The following CNOT2 variants were observed in gnomAD, a reference collection of about 807,000 sequenced individuals.
CNOT2 encodes the protein CC chemokine receptor 4-negative regulator of transcription 2.
Under a neutral mutation model 72.1 loss-of-function variants are expected in CNOT2, and 7 were observed. The ratio of observed to expected loss-of-function variants is 0.10; its 90% CI spans 0.06 to 0.18. The LOEUF (loss-of-function observed/expected upper bound fraction) is 0.18, where lower values mean the gene tolerates loss of function less well. CNOT2 is among the 10% of genes least tolerant of loss of function. The probability of loss-of-function intolerance (pLI) is 1.00; values close to 1 mark genes in which losing one functional copy is unlikely to be tolerated. For missense variants in CNOT2, 345 were observed against 660.3 expected, an observed-to-expected ratio of 0.52 and a Z score of 5.23; for synonymous variants, 196 against 225.6, an observed-to-expected ratio of 0.87 and a Z score of 1.17.
At position 70,338,426 on chromosome 12, in the gene CNOT2, A is replaced by G; in HGVS notation, c.901-17A>G. 6.3e-7 allele frequency: 1 copy of G among 1,588,268 alleles called. No homozygotes were observed. Among genetic ancestry groups the G allele is most frequent in the Non-Finnish European group, 8.5e-7 (1 of 1,170,978 alleles). ...CTTAACAAATTTTAATGTCACATTT[A>G]ATTTTTTTCATGCTAGAATTTGAAT... On this transcript the variant is annotated splice_polypyrimidine_tract_variant and intron_variant, in intron 9 of 15. Transcript: ENST00000229195.
At chr12:70,316,241 T>C (rs1475436483) in intron 3 of CNOT2, among the ~76,000 whole-genome samples, 1 of 152,178 alleles carries the variant, frequency 6.6e-6, no homozygotes, top group Non-Finnish European at 1.5e-5. Flanking sequence ...TGATCTAAAG[T>C]TTTATATTTT....
intron 1 of CNOT2, among the ~76,000 whole-genome samples, chr12:70,253,102 G>A (rs1194271097): frequency 1.3e-5 from 2 of 152,114 alleles, no homozygotes; most frequent in Non-Finnish European, 2.9e-5. Flanking sequence ...TAAATAAATC[G>A]TCATATTGCT....
chr12:70,330,535 T>C (rs1350491851), intron 6 of CNOT2, 66 bp downstream of exon 6: 15 of 1,149,562 alleles, frequency 1.3e-5, no homozygotes, highest in Admixed American at 2.2e-5. Flanking sequence ...CCTTTTCATA[T>C]TTTCACTTTG....
chr12:70,304,777 G>T (rs7974711), intron 2 of CNOT2, among the ~76,000 whole-genome samples: 1 of 152,220 alleles, frequency 6.6e-6, no homozygotes, highest in Non-Finnish European at 1.5e-5. Flanking sequence ...CAGAGGTGGA[G>T]CCTACAGAGG....
rs1306325670 is a variant in CNOT2 at position 70,338,717 on chromosome 12, T to G, written c.1073T>G (p.Ile358Ser). The G allele has an allele frequency of 1.1e-5, 17 of 1,613,452 alleles. No homozygotes were observed. Among genetic ancestry groups the G allele is most frequent in the Non-Finnish European group, 1.4e-5 (17 of 1,179,510 alleles). ...ATGGTGACGGACCAATTTGGAATGA[T>G]TGGCCTGTTAACATTTATCAGGGCA... ...QGMVTDQFGM[I>S]GLLTFIRAAE... Residue 358 changes from isoleucine to serine, a missense_variant, in exon 11 of 16, where the codon ATT becomes AGT. Coordinates refer to ENST00000229195, the MANE Select transcript of CNOT2 (RefSeq NM_014515.7).
At chr12:70,305,179 C>T (rs564649659) in intron 2 of CNOT2, among the ~76,000 whole-genome samples, 2 of 152,310 alleles carry the variant, frequency 1.3e-5, no homozygotes, top group Admixed American at 6.5e-5. Context: ...CCCACTGTCC[C>T]GCACCCACTG....
chr12:70,335,599 T>G (rs779123769), intron 8 of CNOT2, 36 bp downstream of exon 8: 1 of 1,544,548 alleles, frequency 6.5e-7, no homozygotes, highest in Non-Finnish European at 8.9e-7. Context: ...AGTAGAAAGT[T>G]TCCATTGTAT....
chr12:70,265,271 GTTTCTTCTCTTCTCTTCTCT>G (rs1361854382), intron 1 of CNOT2, among the ~76,000 whole-genome samples: 6 of 74,460 alleles, frequency 8.1e-5, no homozygotes, highest in African/African-American at 2.7e-4. Flanking sequence ...GTTTCGTTTT[GTTTCTTCTCTTCTCTTCTCT>G]TCTCTTCTCT....
intron 2 of CNOT2, among the ~76,000 whole-genome samples, chr12:70,282,906 TA>T (rs1167856189): frequency 6.6e-6 from 1 of 152,198 alleles, no homozygotes; most frequent in Admixed American, 6.5e-5. Flanking sequence ...AACAATTTCC[TA>T]GATATAGCTA....
intron 1 of CNOT2, among the ~76,000 whole-genome samples, chr12:70,263,815 A>C (rs899352501): frequency 1.3e-5 from 2 of 151,976 alleles, no homozygotes; most frequent in Non-Finnish European, 2.9e-5. Context: ...CTGGATACTG[A>C]TCTTTCTTCT....
At chr12:70,322,341 TA>T (rs2135995398) in intron 4 of CNOT2, 1 of 151,910 alleles carries the variant, frequency 6.6e-6, no homozygotes, top group Non-Finnish European at 1.5e-5. Context: ...TGAGCTCCCT[TA>T]AGCTGTCTCC....
At chr12:70,316,434 G>A (rs1035431828) in intron 3 of CNOT2, among the ~76,000 whole-genome samples, 5 of 152,024 alleles carry the variant, frequency 3.3e-5, no homozygotes, top group Admixed American at 6.6e-5. Flanking sequence ...TTTTAGCACC[G>A]ATTTGTTTGA....
At chr12:70,299,966 A>G (rs929659704) in intron 2 of CNOT2, among the ~76,000 whole-genome samples, 4 of 152,160 alleles carry the variant, frequency 2.6e-5, no homozygotes, top group African/African-American at 9.7e-5. Context: ...GCATTTCTCT[A>G]ATGGCCAGTG....
At chr12:70,329,343 T>A (rs1879581742) in intron 4 of CNOT2, 80 bp from the exon 5 acceptor site, 1 of 1,170,784 alleles carries the variant, frequency 8.5e-7, no homozygotes, top group Non-Finnish European at 1.3e-6. Context: ...AAAAGTGTCT[T>A]AAATCGCCAA....
At chr12:70,253,518 T>A (rs4761190) in intron 1 of CNOT2, among the ~76,000 whole-genome samples, 32,858 of 152,012 alleles carry the variant, frequency 0.22, 4,022 homozygotes, top group African/African-American at 0.33. Flanking sequence ...TCATCTTTAA[T>A]GAAGAGATAA....
chr12:70,243,334 C>T (rs947195284), upstream of CNOT2: 2 of 152,802 alleles, frequency 1.3e-5, no homozygotes, highest in Non-Finnish European at 2.9e-5. Flanking sequence ...GTTTTGCAGT[C>T]GTCGCTCCCA....
At chr12:70,307,235 G>A (rs935805175) in intron 2 of CNOT2, among the ~76,000 whole-genome samples, 7 of 152,108 alleles carry the variant, frequency 4.6e-5, no homozygotes, top group Admixed American at 1.3e-4. Context: ...TTAGCTTACC[G>A]TAACTTTTTT....
chr12:70,289,284 GTCT>G (rs957845097), intron 2 of CNOT2, among the ~76,000 whole-genome samples: 1 of 151,916 alleles, frequency 6.6e-6, no homozygotes, highest in African/African-American at 2.4e-5. Context: ...ATGATTCGCT[GTCT>G]TCTTATTTCC....
chr12:70,260,719 G>A (rs1384878754), intron 1 of CNOT2, among the ~76,000 whole-genome samples: 4 of 151,718 alleles, frequency 2.6e-5, no homozygotes, highest in African/African-American at 4.8e-5. Flanking sequence ...CATTCATTTC[G>A]GTGCTCTTTT....
Sources: allele counts gnomAD v4.1 joint callset (sites outside exome capture counted in the v4.1 genomes callset), GRCh38; gene constraint gnomAD v4.1.1; transcripts MANE v1.5; gene names NCBI Gene and HGNC (gene_info 2026-07-23, HGNC 2026-07-21).